SMAD4: variants seen among roughly 807,000 people sequenced by gnomAD.
SMAD4 encodes MAD homolog 4.
In SMAD4, 7 loss-of-function variants were observed where a neutral mutation model predicts 63.2. The ratio of observed to expected loss-of-function variants is 0.11; its 90% CI spans 0.06 to 0.21. SMAD4 has a LOEUF of 0.21. Ranked by LOEUF, SMAD4 falls within the 10% of genes least tolerant of loss-of-function variation. The pLI is 1.00. For synonymous variants in SMAD4, 215 were observed against 235.4 expected (o/e 0.91, Z 0.79); for missense variants, 312 against 693.8 (o/e 0.45, Z 6.18).
chr18:51,056,634 A>G (rs565774251), intron 5 of SMAD4, among the ~76,000 whole-genome samples: 20 of 149,780 alleles, frequency 1.3e-4, no homozygotes, highest in African/African-American at 4.5e-4. Context: ...AAAAAAAAAA[A>G]AAAAAAAAAA....
intron 1 of SMAD4, among the ~76,000 whole-genome samples, chr18:51,034,057 G>A (rs1374268247): frequency 6.6e-6 from 1 of 152,202 alleles, no homozygotes; most frequent in East Asian, 1.9e-4. Flanking sequence ...AGTAAAGACC[G>A]TTCAGCCCAA....
At chr18:51,041,489 G>T (rs923796798) in intron 1 of SMAD4, among the ~76,000 whole-genome samples, 1 of 152,192 alleles carries the variant, frequency 6.6e-6, no homozygotes, top group African/African-American at 2.4e-5. Flanking sequence ...CCAGTGCATT[G>T]CAGGGTATTT....
chr18:51,063,253 G>A (rs1261248814), intron 8 of SMAD4, among the ~76,000 whole-genome samples: 2 of 151,902 alleles, frequency 1.3e-5, no homozygotes, highest in African/African-American at 2.4e-5. Flanking sequence ...ACTGTTTTTT[G>A]TTGTGTTTTT....
chr18:51,058,317 C>G (rs2144428201), intron 6 of SMAD4, 23 bp from the exon 7 acceptor site: 1 of 1,609,422 alleles, frequency 6.2e-7, no homozygotes. Flanking sequence ...AGCAAATTAA[C>G]CCATGTGGGC....
chr18:51,035,629 T>A (rs1394238250), intron 1 of SMAD4, among the ~76,000 whole-genome samples: 1 of 152,204 alleles, frequency 6.6e-6, no homozygotes, highest in Non-Finnish European at 1.5e-5. Flanking sequence ...ACTTAACTGG[T>A]TTCTGAGAGG....
intron 10 of SMAD4, among the ~76,000 whole-genome samples, chr18:51,069,571 C>G (rs1910261164): frequency 6.6e-6 from 1 of 152,178 alleles, no homozygotes; most frequent in African/African-American, 2.4e-5. Flanking sequence ...TTGCCTTACC[C>G]TGGCATCTGG....
At chr18:51,053,453 T>A (rs1236764034) in intron 4 of SMAD4, 4 of 151,954 alleles carry the variant, frequency 2.6e-5, no homozygotes, top group African/African-American at 9.7e-5. Flanking sequence ...TTGTGTTCAG[T>A]TTTTTTTATT....
chr18:51,072,195 A>G (rs2144463841), intron 10 of SMAD4, among the ~76,000 whole-genome samples: 1 of 152,348 alleles, frequency 6.6e-6, no homozygotes, highest in South Asian at 2.1e-4. Flanking sequence ...TGGCTGCACC[A>G]CTTTACATTC....
At chr18:51,042,328 CCTCT>C (rs1568201651) in intron 1 of SMAD4, among the ~76,000 whole-genome samples, 1 of 112,504 alleles carries the variant, frequency 8.9e-6, no homozygotes, top group African/African-American at 3.2e-5. Context: ...TCCCTCCCTC[CCTCT>C]CTCCCTCTCT....
chr18:51,068,475 A>G lies in SMAD4; in HGVS notation c.1308+1288A>G, dbSNP rs150946798. On this transcript the variant is annotated intron_variant, in intron 10 of 11. Coordinates refer to ENST00000342988, the MANE Select transcript of SMAD4 (RefSeq NM_005359.6). ...TTCTGAAAAACATAATCGCGGTGCT[A>G]TTTATTACACTTAATAAATTAGCAT... Among the ~76,000 whole-genome samples the G allele has an allele frequency of 4.7e-3, 712 of 152,318 alleles. 4 individuals carry two copies. Among genetic ancestry groups the G allele is most frequent in the Non-Finnish European group, 7.3e-3 (499 of 68,022 alleles).
Position 51,073,390 on chromosome 18 carries a change from C to A in SMAD4, c.1309-3248C>A, listed in dbSNP as rs10164023. ...ATATATATATATATATATATATATA[C>A]ACACACACACACACACACACACACA... is the stretch of plus-strand genomic sequence containing the variant. On this transcript the variant is annotated intron_variant, in intron 10 of 11. Transcript: ENST00000342988. Among the ~76,000 whole-genome samples the A allele has an allele frequency of 7.2e-3, 224 of 31,052 alleles. 4 individuals carry two copies. Among genetic ancestry groups the A allele is most frequent in the Admixed American group, 0.016 (35 of 2,134 alleles). The allele number at this position is 31,052 out of a possible 152,430, so 20.4% of individuals were successfully genotyped here.
chr18:51,042,058 T>C (rs1909400530), intron 1 of SMAD4, among the ~76,000 whole-genome samples: 1 of 152,188 alleles, frequency 6.6e-6, no homozygotes. Context: ...TACTGCTCTT[T>C]AAGGGATGTT....
intron 1 of SMAD4, among the ~76,000 whole-genome samples, chr18:51,043,966 A>AT (rs1387716555): frequency 6.6e-6 from 1 of 152,156 alleles, no homozygotes; most frequent in Non-Finnish European, 1.5e-5. Context: ...GGTGCTGGGA[A>AT]TTTCTAAAAT....
At chr18:51,049,775 T>C (rs1324782347) in intron 4 of SMAD4, among the ~76,000 whole-genome samples, 1 of 152,202 alleles carries the variant, frequency 6.6e-6, no homozygotes, top group Non-Finnish European at 1.5e-5. Context: ...AATGATAATG[T>C]TGAGAATGGT....
intron 1 of SMAD4, chr18:51,044,872 A>G (rs1168881419): frequency 6.6e-6 from 1 of 152,166 alleles, no homozygotes; most frequent in Non-Finnish European, 1.5e-5. Context: ...CTTGACTCCA[A>G]AATCTCCCAT....
Position 51,079,529 on chromosome 18 carries a change from A to G in SMAD4, c.*1062A>G, listed in dbSNP as rs908073564. On this transcript the variant is annotated 3_prime_UTR_variant, in exon 12 of 12. Transcript: ENST00000342988. ...TTGATTTGATGTGACTTTTTTTGGTATAATGTTTAAATCATGTATGTTATG... is the reference window on the plus strand; with the variant it reads ...TTGATTTGATGTGACTTTTTTTGGTGTAATGTTTAAATCATGTATGTTATG... 2.1e-5 allele frequency: 5 copies of G among 233,294 alleles called. No individual in the cohort carries two copies. Among genetic ancestry groups the G allele is most frequent in the African/African-American group, 8.8e-5 (4 of 45,330 alleles). 14.5% of individuals were successfully genotyped at this position (233,294 alleles called of 1,614,324 possible).
In SMAD4 at chr18:51,081,813, C is replaced by T. The variant is rs1410581266; in HGVS notation, c.*3346C>T. On this transcript the variant is annotated 3_prime_UTR_variant, in exon 12 of 12. Coordinates refer to ENST00000342988, the MANE Select transcript of SMAD4 (RefSeq NM_005359.6). Reference sequence around the variant, plus strand: ...GAAGGTGAGTTGCAGGTATCTTTGACTATGGTCATCTGGGGAAGGAAAATT... The same window carrying T: ...GAAGGTGAGTTGCAGGTATCTTTGATTATGGTCATCTGGGGAAGGAAAATT... The T allele has an allele frequency of 3.9e-5, 9 of 232,320 alleles. No homozygotes were observed. Among genetic ancestry groups the T allele is most frequent in the Non-Finnish European group, 6.8e-5 (8 of 117,578 alleles). The allele number at this position is 232,320 out of a possible 1,614,324, so 14.4% of individuals were successfully genotyped here.
In SMAD4 at chr18:51,048,799, A is replaced by G. The variant is rs1232964749; in HGVS notation, c.363A>G (p.Leu121=). 1 of 1,614,114 alleles carries G rather than the reference A, an allele frequency of 6.2e-7. No homozygotes were observed. Among genetic ancestry groups the G allele is most frequent in the East Asian group, 2.2e-5 (1 of 44,884 alleles). The change falls in exon 3 of 12, where the codon TTA becomes TTG. Residue 121 remains leucine, a synonymous_variant. Coordinates refer to ENST00000342988, the MANE Select transcript of SMAD4 (RefSeq NM_005359.6). The part of the protein sequence containing the change: ...HVKYCQYAFD[L]KCDSVCVNPY... Reference sequence around the variant, plus strand: ...AATATTGTCAGTATGCGTTTGACTTAAAATGTGATAGTGTCTGTGTGAATC... The same window carrying G: ...AATATTGTCAGTATGCGTTTGACTTGAAATGTGATAGTGTCTGTGTGAATC...
At chr18:51,068,776 C>T (rs1910238830) in intron 10 of SMAD4, among the ~76,000 whole-genome samples, 1 of 151,972 alleles carries the variant, frequency 6.6e-6, no homozygotes, top group African/African-American at 2.4e-5. Flanking sequence ...AAAAAATTAG[C>T]TGGGTGTGGT....
Sources: allele counts gnomAD v4.1 joint callset (sites outside exome capture counted in the v4.1 genomes callset), GRCh38; gene constraint gnomAD v4.1.1; transcripts MANE v1.5; gene names NCBI Gene and HGNC (gene_info 2026-07-23, HGNC 2026-07-21).